The following ABCA6 variants were observed in gnomAD, a reference collection of about 807,000 sequenced individuals.
The protein encoded by ABCA6 is ATP-binding cassette sub-family A member 6.
In ABCA6, 164 loss-of-function variants were observed where a neutral mutation model predicts 191.2. The ratio of observed to expected loss-of-function variants is 0.86; its 90% confidence interval spans 0.76 to 0.98. ABCA6 has a LOEUF of 0.98. ABCA6 is among the 50% of genes least tolerant of loss of function. ABCA6 has a pLI of 0.00. For missense variants in ABCA6, 1,958 were observed against 1,894.1 expected (o/e 1.03, Z -0.63); for synonymous variants, 636 against 647.7 (o/e 0.98, Z 0.27).
chr17:69,128,804 C>A lies in ABCA6; in HGVS notation c.934G>T (p.Val312Leu), dbSNP rs759246154. Residue 312 changes from valine to leucine, a missense_variant and splice_region_variant, in exon 8 of 39, where the codon GTA becomes TTA. Coordinates refer to ENST00000284425, the MANE Select transcript of ABCA6 (RefSeq NM_080284.3). ...ILFFLYGLSL[V>L]ALVFLMSVLL... ...ACACTCATCAGGAACACCAAAGCTA[C>A]CTGCAAGAGAGAGAAGACATTCAGC... The A allele has an allele frequency of 7.0e-6, 11 of 1,580,048 alleles. No homozygotes were observed. In the South Asian group the frequency reaches 1.2e-4, roughly 17 times the overall value.
intron 8 of ABCA6, among the ~76,000 whole-genome samples, 157 bp from the exon 9 acceptor site, chr17:69,125,192 T>C (rs537060812): frequency 1.1e-3 from 169 of 151,910 alleles, no homozygotes; most frequent in Non-Finnish European, 2.0e-3. Flanking sequence ...TTGGTCAAAA[T>C]ATTTCTATTT....
chr17:69,137,500 C>A lies in ABCA6; in HGVS notation c.97G>T (p.Glu33Ter). Residue 33 changes from glutamate to a stop codon, truncating the protein, a stop_gained and splice_region_variant, in exon 3 of 39, where the codon GAA (glutamate) becomes TAA (stop). Transcript: ENST00000284425. LOFTEE classifies it high-confidence loss of function. The stretch of plus-strand genomic sequence containing the variant: ...CCTAGAAGTATTGAGAGGCCCCATT[C>A]CTGTAATGCATATAAAAAGAAAAAT... ...KWRMKRESLLEWGLSILLGLC... is the reference protein window; with the variant it reads ...KWRMKRESLL 6.2e-7 allele frequency: 1 copy of A among 1,606,678 alleles called. No homozygotes were observed. The highest frequency in any genetic ancestry group is 8.5e-7 in the Non-Finnish European group (1 of 1,177,310).
At chr17:69,093,186 G>A (rs1277642341) in intron 25 of ABCA6, among the ~76,000 whole-genome samples, 2 of 151,954 alleles carry the variant, frequency 1.3e-5, no homozygotes, top group East Asian at 3.9e-4. Flanking sequence ...TATTGAAGTA[G>A]GAAATTAAGA....
Position 69,097,468 on chromosome 17 carries a change from G to C in ABCA6, c.3120+452C>G, listed in dbSNP as rs1050051585. 2.0e-5 allele frequency among the ~76,000 whole-genome samples: 3 copies of C among 151,962 alleles called. No homozygotes were observed. The South Asian group carries it at 6.2e-4, about 32-fold the overall frequency. ...TACCTTTACCTAAACATCTTGGAGA[G>C]TTTCTGGCTCAGGATGGTGAACGTT... On this transcript the variant is annotated intron_variant, in intron 23 of 38. Coordinates refer to ENST00000284425, the MANE Select transcript of ABCA6 (RefSeq NM_080284.3).
At position 69,134,946 on chromosome 17, in the gene ABCA6, G is replaced by A. The variant is rs554692130; in HGVS notation, c.461-204C>T. 8.1e-5 allele frequency among the ~76,000 whole-genome samples: 11 copies of A among 135,290 alleles called. No homozygotes were observed. In the South Asian group the frequency reaches 1.5e-3, roughly 19 times the overall value. The allele number at this position is 135,290 out of a possible 152,430, so 88.8% of individuals were successfully genotyped here. On this transcript the variant is annotated intron_variant, in intron 4 of 38. Coordinates refer to ENST00000284425, the MANE Select transcript of ABCA6 (RefSeq NM_080284.3). ...TGCCCAGGCTGGAGTGCAGTGGTGC[G>A]ATCTCAGCTCACTGCAACCTCCACC...
At chr17:69,136,839 A>G (rs1356279657) in intron 3 of ABCA6, among the ~76,000 whole-genome samples, 1 of 152,148 alleles carries the variant, frequency 6.6e-6, no homozygotes, top group Non-Finnish European at 1.5e-5. Flanking sequence ...TACTGATTGT[A>G]CTATATTCAG....
At chr17:69,122,491 T>C (rs2073667446) in intron 10 of ABCA6, among the ~76,000 whole-genome samples, 1 of 152,052 alleles carries the variant, frequency 6.6e-6, no homozygotes. Context: ...ATAACAACCC[T>C]ACAAAGTCAA....
At chr17:69,106,541 C>G (rs572239876) in intron 18 of ABCA6, among the ~76,000 whole-genome samples, 65 of 137,200 alleles carry the variant, frequency 4.7e-4, no homozygotes, top group Middle Eastern at 4.2e-3. Flanking sequence ...TGCTGTGAGC[C>G]GAGATTGCAC....
intron 10 of ABCA6, 67 bp downstream of exon 10, chr17:69,123,172 A>T: frequency 9.4e-7 from 1 of 1,067,206 alleles, no homozygotes; most frequent in South Asian, 4.1e-5. Flanking sequence ...ATAATAATAA[A>T]ATTAAAAATA....
Position 69,085,613 on chromosome 17 carries a change from T to C in ABCA6, c.4029+12A>G. On this transcript the variant is annotated intron_variant, in intron 31 of 38. Transcript: ENST00000284425. The stretch of plus-strand genomic sequence containing the variant: ...ATTCCTGTTTTGGAAATGGAAACCA[T>C]TTCCTCACTACCTCTCCAGCAGTTG... 6.3e-7 allele frequency: 1 copy of C among 1,589,230 alleles called. No individual in the cohort carries two copies. Among genetic ancestry groups the C allele is most frequent in the Admixed American group, 1.7e-5 (1 of 57,174 alleles).
At chr17:69,123,128 C>T (rs576937363) in intron 10 of ABCA6, 111 bp downstream of exon 10, 18 of 585,188 alleles carry the variant, frequency 3.1e-5, no homozygotes, top group Admixed American at 2.0e-4. Context: ...CAAACATGCA[C>T]GTTGTGCACA....
In ABCA6 at chr17:69,102,839, T is replaced by G. The variant is rs1418553917; in HGVS notation, c.2870A>C (p.Gln957Pro). ...YNGAIIVSGK[Q>P]KDYRFSVVCN... The stretch of plus-strand genomic sequence containing the variant: ...AAAGCAAAAAGGCAAACATACCTTT[T>G]GTTTACCAGAAACTATGATAGCTCC... The change falls in exon 21 of 39, where the codon CAA becomes CCA. Residue 957 changes from glutamine (Q) to proline (P), a missense_variant. Gln to Pro is a moderately conservative substitution (Grantham distance 76). Coordinates refer to ENST00000284425, the MANE Select transcript of ABCA6 (RefSeq NM_080284.3). 1 of 1,578,572 alleles carries G rather than the reference T, an allele frequency of 6.3e-7. No homozygotes were observed. The highest frequency in any genetic ancestry group is 8.5e-7 in the Non-Finnish European group (1 of 1,169,770).
At chr17:69,105,711 G>T in intron 19 of ABCA6, 83 bp from the exon 20 acceptor site, 2 of 1,051,982 alleles carry the variant, frequency 1.9e-6, no homozygotes, top group Non-Finnish European at 2.8e-6. Flanking sequence ...TTTGTTGAGT[G>T]CCAAGCCTGC....
chr17:69,085,548 AGT>A, intron 31 of ABCA6, 75 bp downstream of exon 31: 2 of 866,000 alleles, frequency 2.3e-6, no homozygotes, highest in South Asian at 2.2e-5. Flanking sequence ...AAAGAAAAAT[AGT>A]ATAGTCTTAC....
chr17:69,078,813 G>T lies in ABCA6; in HGVS notation c.*160C>A. ...CAGGTTTGCTATCACCCCTATGTTTGAGAGGAAGAATAATTTTAAAATTTA... is the reference window on the plus strand; with the variant it reads ...CAGGTTTGCTATCACCCCTATGTTTTAGAGGAAGAATAATTTTAAAATTTA... On this transcript the variant is annotated 3_prime_UTR_variant, in exon 39 of 39. Coordinates refer to ENST00000284425, the MANE Select transcript of ABCA6 (RefSeq NM_080284.3). 1 of 489,896 alleles carries T rather than the reference G, an allele frequency of 2.0e-6. No homozygotes were observed. Among genetic ancestry groups the T allele is most frequent in the African/African-American group, 2.0e-5 (1 of 50,048 alleles). 30.3% of individuals were successfully genotyped at this position (489,896 alleles called of 1,614,324 possible).
intron 26 of ABCA6, 87 bp from the exon 27 acceptor site, chr17:69,089,629 T>C (rs1430050779): frequency 8.7e-7 from 1 of 1,150,706 alleles, no homozygotes; most frequent in Non-Finnish European, 1.2e-6. Flanking sequence ...ATTCACATAT[T>C]GAATATTTTC....
intron 10 of ABCA6, among the ~76,000 whole-genome samples, chr17:69,119,109 G>A (rs963463138): frequency 6.6e-6 from 1 of 152,038 alleles, no homozygotes; most frequent in Non-Finnish European, 1.5e-5. Context: ...TAATTGATCT[G>A]GGGTGATGAG....
At chr17:69,092,874 A>T (rs2144628053) in intron 25 of ABCA6, among the ~76,000 whole-genome samples, 1 of 152,350 alleles carries the variant, frequency 6.6e-6, no homozygotes, top group African/African-American at 2.4e-5. Flanking sequence ...ACAATGATAA[A>T]TTCTCACAAC....
chr17:69,113,955 C>T (rs2073484546), intron 13 of ABCA6, among the ~76,000 whole-genome samples: 1 of 152,240 alleles, frequency 6.6e-6, no homozygotes, highest in South Asian at 2.1e-4. Context: ...AACATTTTTA[C>T]ACTGTTGGTG....
Sources: allele counts gnomAD v4.1 joint callset (sites outside exome capture counted in the v4.1 genomes callset), GRCh38; gene constraint gnomAD v4.1.1; transcripts MANE v1.5; gene names NCBI Gene and HGNC (gene_info 2026-07-23, HGNC 2026-07-21).